Variants in GRAMD2B observed in about 807,000 individuals in gnomAD.
The protein encoded by GRAMD2B is GRAM domain-containing protein 2B.
Under a neutral mutation model 59.2 loss-of-function variants are expected in GRAMD2B, and 41 were observed. The observed-to-expected ratio is 0.69, with a 90% confidence interval of 0.54 to 0.90. The LOEUF is 0.90. Among genes scored for constraint, GRAMD2B ranks in the 40% least tolerant of loss-of-function variants. The pLI, the probability that GRAMD2B is intolerant of heterozygous loss-of-function variation, is 0.00. For missense variants in GRAMD2B, 424 were observed against 500.5 expected (o/e 0.85, Z 1.46); for synonymous variants, 161 against 182.7 (o/e 0.88, Z 0.96).
intron 1 of GRAMD2B, among the ~76,000 whole-genome samples, chr5:126,415,155 T>A (rs1655788404): frequency 6.6e-6 from 1 of 152,188 alleles, no homozygotes; most frequent in Non-Finnish European, 1.5e-5. Flanking sequence ...GTTGTTCAGA[T>A]GCATGGGGGA....
At chr5:126,384,858 C>T (rs1174589713) in intron 1 of GRAMD2B, among the ~76,000 whole-genome samples, 1 of 152,248 alleles carries the variant, frequency 6.6e-6, no homozygotes, top group Admixed American at 6.5e-5. Context: ...ATCTCCCTTT[C>T]TCTGTGCTCA....
intron 1 of GRAMD2B, among the ~76,000 whole-genome samples, chr5:126,442,699 G>T (rs563925650): frequency 1.3e-5 from 2 of 152,096 alleles, no homozygotes; most frequent in Admixed American, 1.3e-4. Context: ...CTTGAAATCT[G>T]GTCTAGTTTA....
intron 1 of GRAMD2B, among the ~76,000 whole-genome samples, chr5:126,456,267 G>A (rs6894790): frequency 0.33 from 50,090 of 152,020 alleles, 8,871 homozygotes; most frequent in East Asian, 0.6. Context: ...GTAAAGTGCA[G>A]TGGCACAATC....
intron 1 of GRAMD2B, among the ~76,000 whole-genome samples, chr5:126,439,328 CTTTT>C (rs930960414): frequency 8.2e-6 from 1 of 122,558 alleles, no homozygotes; most frequent in Non-Finnish European, 1.7e-5. Flanking sequence ...TTTGGTTTTG[CTTTT>C]TTTTTTTTTT....
intron 1 of GRAMD2B, among the ~76,000 whole-genome samples, chr5:126,377,171 C>T (rs1005348465): frequency 1.2e-4 from 18 of 148,770 alleles, no homozygotes; most frequent in African/African-American, 4.2e-4. Context: ...CTTTGATGGC[C>T]TCAAAAATTC....
At chr5:126,468,652 T>C (rs550415712) in intron 2 of GRAMD2B, among the ~76,000 whole-genome samples, 1 of 152,154 alleles carries the variant, frequency 6.6e-6, no homozygotes, top group South Asian at 2.1e-4. Context: ...CATGCCCAGC[T>C]AATTTTTGTA....
chr5:126,432,432 TTG>T (rs796155647), intron 1 of GRAMD2B, among the ~76,000 whole-genome samples: 5 of 152,344 alleles, frequency 3.3e-5, no homozygotes, highest in African/African-American at 1.2e-4. Flanking sequence ...CTGAAAGCAG[TTG>T]TGTTTCTACA....
intron 1 of GRAMD2B, among the ~76,000 whole-genome samples, chr5:126,365,658 T>C (rs1396251782): frequency 6.6e-6 from 1 of 151,920 alleles, no homozygotes; most frequent in African/African-American, 2.4e-5. Flanking sequence ...TCAGCTGTGG[T>C]AGGAGTATTT....
chr5:126,409,878 G>A (rs1385672611), intron 1 of GRAMD2B, among the ~76,000 whole-genome samples: 2,238 of 151,262 alleles, frequency 0.015, 28 homozygotes, highest in Admixed American at 0.049. Flanking sequence ...AGGTGTAAGG[G>A]AGGGATCCAG....
intron 1 of GRAMD2B, among the ~76,000 whole-genome samples, chr5:126,384,399 G>C (rs1173095683): frequency 6.6e-6 from 1 of 152,190 alleles, no homozygotes; most frequent in African/African-American, 2.4e-5. Context: ...CATTTCCAAT[G>C]CTTAGTGCAA....
At chr5:126,462,585 A>G in intron 1 of GRAMD2B, 2 of 261,524 alleles carry the variant, frequency 7.6e-6, no homozygotes, top group Non-Finnish European at 1.2e-5. Context: ...TAATTAATCC[A>G]TATCATTGAA....
At chr5:126,489,997 A>G (rs11955039) in intron 13 of GRAMD2B, among the ~76,000 whole-genome samples, 2,191 of 152,334 alleles carry the variant, frequency 0.014, 51 homozygotes, top group African/African-American at 0.05. Flanking sequence ...TTTAACAGCT[A>G]AAGTATTAAG....
rs567371156 is a variant in GRAMD2B at position 126,485,550 on chromosome 5, C to G, written c.971-136C>G. On this transcript the variant is annotated intron_variant, in intron 10 of 13. Coordinates refer to ENST00000285689, the MANE Select transcript of GRAMD2B (RefSeq NM_023927.4). ...TTGTAACCACTGGTTAAAATGACAA[C>G]TGGGAGACTTGATATTTTCTCTGAT... 6 of 594,012 alleles carry G rather than the reference C, an allele frequency of 1.0e-5. No individual in the cohort carries two copies. The South Asian group carries it at 1.3e-4, about 13-fold the overall frequency. 36.8% of individuals were successfully genotyped at this position (594,012 alleles called of 1,614,324 possible). A position where few individuals can be genotyped will look rare whatever the true frequency, so the allele number is the denominator to read the frequency against.
At chr5:126,412,536 T>C (rs1758897091) in intron 1 of GRAMD2B, among the ~76,000 whole-genome samples, 1 of 152,256 alleles carries the variant, frequency 6.6e-6, no homozygotes, top group African/African-American at 2.4e-5. Flanking sequence ...AATTTTTGCA[T>C]CTATGTTCAT....
intron 1 of GRAMD2B, among the ~76,000 whole-genome samples, chr5:126,392,245 T>C (rs1381582430): frequency 6.6e-6 from 1 of 152,190 alleles, no homozygotes; most frequent in Non-Finnish European, 1.5e-5. Context: ...CTAGAAGGAC[T>C]CATAGAACTC....
intron 1 of GRAMD2B, among the ~76,000 whole-genome samples, chr5:126,363,537 A>C (rs1163308079): frequency 6.6e-6 from 1 of 152,214 alleles, no homozygotes; most frequent in Non-Finnish European, 1.5e-5. Flanking sequence ...AATAGCCAAA[A>C]AGTAGAAACA....
At chr5:126,450,982 C>T (rs979580085) in intron 1 of GRAMD2B, among the ~76,000 whole-genome samples, 5 of 152,260 alleles carry the variant, frequency 3.3e-5, no homozygotes, top group Non-Finnish European at 7.3e-5. Context: ...ACACAGAGTG[C>T]CCAACAGGGC....
intron 1 of GRAMD2B, among the ~76,000 whole-genome samples, chr5:126,415,888 A>G (rs1021762050): frequency 6.6e-6 from 1 of 152,246 alleles, no homozygotes; most frequent in Admixed American, 6.5e-5. Context: ...CAAGTGATAG[A>G]AAATATGTAA....
intron 1 of GRAMD2B, among the ~76,000 whole-genome samples, chr5:126,377,608 A>T (rs1353690448): frequency 6.6e-6 from 1 of 152,192 alleles, no homozygotes; most frequent in African/African-American, 2.4e-5. Context: ...TCAGAGATAC[A>T]TTTAGTTTGG....
Sources: allele counts gnomAD v4.1 joint callset (sites outside exome capture counted in the v4.1 genomes callset), GRCh38; gene constraint gnomAD v4.1.1; transcripts MANE v1.5; gene names NCBI Gene and HGNC (gene_info 2026-07-23, HGNC 2026-07-21).